Variants in TEP1 observed in about 807,000 individuals in gnomAD.
TEP1 encodes the protein telomerase associated protein 1, also known as telomerase protein component 1.
In TEP1, 241 loss-of-function variants were observed where a neutral mutation model predicts 306.3. That is an observed-to-expected ratio of 0.79 (90% CI 0.71 to 0.88). TEP1 has a LOEUF of 0.88. Ranked by LOEUF, TEP1 falls within the 40% of genes least tolerant of loss-of-function variation. The pLI, the probability that TEP1 is intolerant of heterozygous loss-of-function variation, is 0.00. For synonymous variants in TEP1, 1,289 were observed against 1,305.5 expected, an observed-to-expected ratio of 0.99 and a Z score of 0.27; for missense variants, 3,051 against 3,276.1, an observed-to-expected ratio of 0.93 and a Z score of 1.68.
Position 20,381,478 on chromosome 14 carries a change from G to C in TEP1, c.4558+75C>G. The stretch of plus-strand genomic sequence containing the variant: ...AGTAGGTGAGCTGGCCAGCAGATGG[G>C]AGCACAGTGGGTGGTCCTGGCCTCC... On this transcript the variant is annotated intron_variant, in intron 31 of 54. Coordinates refer to ENST00000262715, the MANE Select transcript of TEP1 (RefSeq NM_007110.5). This position sits in a 1 kb window ranked among gnomAD's most constrained non-coding sequence, Gnocchi z 4.0. 6.2e-7 allele frequency: 1 copy of C among 1,612,646 alleles called. No homozygotes were observed. The highest frequency in any genetic ancestry group is 8.5e-7 in the Non-Finnish European group (1 of 1,179,900).
intron 49 of TEP1, 34 bp from the exon 50 acceptor site, chr14:20,371,666 C>T: frequency 6.5e-7 from 1 of 1,532,574 alleles, no homozygotes; most frequent in Non-Finnish European, 8.7e-7. Flanking sequence ...AGAGAAAGAT[C>T]CTATTTTAGT....
At position 20,387,937 on chromosome 14, in the gene TEP1, A is replaced by G. The variant is rs1433115101; in HGVS notation, c.2652T>C (p.Thr884=). Residue 884 remains threonine (T), a synonymous_variant, in exon 18 of 55, where the codon ACT becomes ACC. Transcript: ENST00000262715. ...GGGAAACAGGAGCCAAGGGGCTTGGAGTGTCCTCTTCCAGTGGCCGGAGAG... is the reference window on the plus strand; with the variant it reads ...GGGAAACAGGAGCCAAGGGGCTTGGGGTGTCCTCTTCCAGTGGCCGGAGAG... ...VQSLRPLEED[T]PSPLAPVSQQ... The G allele has an allele frequency of 3.1e-6, 5 of 1,613,682 alleles. No homozygotes were observed. Among genetic ancestry groups the G allele is most frequent in the South Asian group, 1.1e-5 (1 of 90,942 alleles).
Position 20,368,203 on chromosome 14 carries a change from T to C in TEP1, c.*234A>G, listed in dbSNP as rs917307276. 1 of 366,736 alleles carries C rather than the reference T, an allele frequency of 2.7e-6. No homozygotes were observed. Among genetic ancestry groups the C allele is most frequent in the Non-Finnish European group, 4.8e-6 (1 of 206,192 alleles). The allele number at this position is 366,736 out of a possible 1,614,324, so 22.7% of individuals were successfully genotyped here. On this transcript the variant is annotated 3_prime_UTR_variant, in exon 55 of 55. Coordinates refer to ENST00000262715, the MANE Select transcript of TEP1 (RefSeq NM_007110.5). ...CACTTTCTTGTGGTTCTAGTAAGGA[T>C]TAATGTTGAATAAGAAGAGACACAC...
At chr14:20,368,663 A>C in intron 54 of TEP1, 104 bp from the exon 55 acceptor site, 1 of 1,548,938 alleles carries the variant, frequency 6.5e-7, no homozygotes, top group Non-Finnish European at 8.8e-7. Context: ...TTAGTCATAC[A>C]TTGCAAGTGA....
At chr14:20,397,224 T>G (rs1878279399) in intron 9 of TEP1, among the ~76,000 whole-genome samples, 1 of 152,174 alleles carries the variant, frequency 6.6e-6, no homozygotes, top group Admixed American at 6.5e-5. Context: ...AAAGAGAAAT[T>G]TCGTAGTGTA....
rs768014779 is a variant in TEP1 at position 20,381,413 on chromosome 14, G to A, written c.4559-12C>T. 12 of 1,614,044 alleles carry A rather than the reference G, an allele frequency of 7.4e-6. No homozygotes were observed. The South Asian group carries it at 1.1e-4, about 15-fold the overall frequency. On this transcript the variant is annotated splice_polypyrimidine_tract_variant and intron_variant, in intron 31 of 54. Transcript: ENST00000262715. This position sits in a 1 kb window ranked among gnomAD's most constrained non-coding sequence, Gnocchi z 4.0. ...CTTCCAGAGCTGAGCTGCATGAACA[G>A]ATATTGAGAAAGGCTCAGCCCTGCA... is the stretch of plus-strand genomic sequence containing the variant.
intron 7 of TEP1, among the ~76,000 whole-genome samples, chr14:20,402,983 C>G (rs1358209066): frequency 6.6e-6 from 1 of 151,760 alleles, no homozygotes; most frequent in African/African-American, 2.4e-5. Flanking sequence ...ATGGTGAAAC[C>G]CCATCTCTAC....
In TEP1 at chr14:20,390,985, C is replaced by T; in HGVS notation, c.2209G>A (p.Glu737Lys). ...DTLKTAVLKA[E>K]EGILKTAIKL... is the part of the protein sequence containing the mutation. The stretch of plus-strand genomic sequence containing the variant: ...ATGGCAGTCTTCAGGATGCCTTCTT[C>T]TGCCTTAAGCACTGCAGTCTTCAGA... The change falls in exon 14 of 55, where the codon GAA becomes AAA. Residue 737 changes from glutamate (E) to lysine (K), a missense_variant. Coordinates refer to ENST00000262715, the MANE Select transcript of TEP1 (RefSeq NM_007110.5). 2 of 1,614,186 alleles carry T rather than the reference C, an allele frequency of 1.2e-6. No individual in the cohort carries two copies. The highest frequency in any genetic ancestry group is 2.2e-5 in the South Asian group (2 of 91,084).
At chr14:20,396,192 G>A (rs1878192951) in intron 10 of TEP1, among the ~76,000 whole-genome samples, 1 of 152,212 alleles carries the variant, frequency 6.6e-6, no homozygotes, top group Admixed American at 6.5e-5. Context: ...CTCTGGGCAG[G>A]GTGTGGTAGC....
chr14:20,411,515 C>A (rs1879678322), intron 1 of TEP1, among the ~76,000 whole-genome samples: 1 of 152,186 alleles, frequency 6.6e-6, no homozygotes, highest in Non-Finnish European at 1.5e-5. Context: ...GTTTTCACAA[C>A]ACCCATATGT....
intron 48 of TEP1, 56 bp from the exon 49 acceptor site, chr14:20,372,913 T>C: frequency 1.2e-6 from 2 of 1,613,284 alleles, no homozygotes; most frequent in Non-Finnish European, 8.5e-7. Flanking sequence ...ATGCACCATC[T>C]TTTCCCTCCC....
Position 20,377,628 on chromosome 14 carries a change from A to G in TEP1, c.5847T>C (p.Asp1949=), listed in dbSNP as rs773020627. The change falls in exon 40 of 55, where the codon GAT becomes GAC. Residue 1949 remains aspartate, a synonymous_variant. Coordinates refer to ENST00000262715, the MANE Select transcript of TEP1 (RefSeq NM_007110.5). ...GDRVAVGYRA[D]GIRIYKISSG... ...AAGAGATTTTGTAGATCCTAATGCC[A>G]TCCGCTCGATATCCAACAGCCACCC... is the stretch of plus-strand genomic sequence containing the variant. The G allele has an allele frequency of 2.5e-6, 4 of 1,614,140 alleles. No homozygotes were observed. Among genetic ancestry groups the G allele is most frequent in the Non-Finnish European group, 3.4e-6 (4 of 1,180,026 alleles).
Position 20,383,787 on chromosome 14 carries a change from C to T in TEP1, c.3666G>A (p.Leu1222=). 1.9e-6 allele frequency: 3 copies of T among 1,611,012 alleles called. No homozygotes were observed. Among genetic ancestry groups the T allele is most frequent in the Middle Eastern group, 3.3e-4 (2 of 6,062 alleles). Reference sequence around the variant, plus strand: ...CACCTGGCTCTTTTAGTTGGCCACGCAGATAGGTACAGAGGCGTCTGAGCA... The same window carrying T: ...CACCTGGCTCTTTTAGTTGGCCACGTAGATAGGTACAGAGGCGTCTGAGCA... ...LTLLRRLCTY[L]RGQLKEPGAL... is the part of the protein sequence containing the mutation. The change falls in exon 25 of 55, where the codon CTG becomes CTA. Residue 1222 remains leucine, a synonymous_variant. Coordinates refer to ENST00000262715, the MANE Select transcript of TEP1 (RefSeq NM_007110.5).
At chr14:20,393,796 AAAG>A (rs1235149452) in intron 12 of TEP1, among the ~76,000 whole-genome samples, 1 of 151,574 alleles carries the variant, frequency 6.6e-6, no homozygotes, top group Admixed American at 6.6e-5. Context: ...AAAAAAAAAA[AAAG>A]AGCCAGGGTG....
chr14:20,408,443 T>C lies in TEP1; in HGVS notation c.-4A>G. Reference sequence around the variant, plus strand: ...CATGCCCATGGAGTTTTTCCATGGCTGAAACTCAGCTTGTATATGCCTAGA... The same window carrying C: ...CATGCCCATGGAGTTTTTCCATGGCCGAAACTCAGCTTGTATATGCCTAGA... On this transcript the variant is annotated 5_prime_UTR_variant, in exon 2 of 55. Transcript: ENST00000262715. 6.2e-7 allele frequency: 1 copy of C among 1,610,158 alleles called. No homozygotes were observed. The highest frequency in any genetic ancestry group is 2.2e-5 in the East Asian group (1 of 44,868).
chr14:20,383,158 C>G lies in TEP1; in HGVS notation c.4047+16G>C, dbSNP rs201216641. ...ATTCACCCCACACACCCACCGGCCC[C>G]GGCCTAGAACCCAACCTGGTTGTTA... On this transcript the variant is annotated intron_variant, in intron 27 of 54. Transcript: ENST00000262715. 6.4e-7 allele frequency: 1 copy of G among 1,568,696 alleles called. No individual in the cohort carries two copies. The highest frequency in any genetic ancestry group is 2.2e-5 in the East Asian group (1 of 44,514).
At chr14:20,404,005 G>A (rs1878969774) in intron 5 of TEP1, 121 bp from the exon 6 acceptor site, 3 of 1,324,670 alleles carry the variant, frequency 2.3e-6, no homozygotes, top group Non-Finnish European at 3.1e-6. Context: ...CCCAGCCCTA[G>A]CTCCAAAATC....
intron 9 of TEP1, 129 bp from the exon 10 acceptor site, chr14:20,396,859 G>C (rs999229600): frequency 1.8e-6 from 1 of 547,778 alleles, no homozygotes; most frequent in Admixed American, 3.1e-5. Context: ...CCAGGAATTA[G>C]AGTCCAGCCT....
chr14:20,395,834 G>C, intron 11 of TEP1, 25 bp downstream of exon 11: 1 of 1,604,304 alleles, frequency 6.2e-7, no homozygotes, highest in Non-Finnish European at 8.5e-7. Flanking sequence ...GAGGCAAAGA[G>C]GAGTTGGAAG....
Sources: allele counts gnomAD v4.1 joint callset (sites outside exome capture counted in the v4.1 genomes callset), GRCh38; gene constraint gnomAD v4.1.1; non-coding constraint Gnocchi (gnomAD v3.1); transcripts MANE v1.5; gene names NCBI Gene and HGNC (gene_info 2026-07-23, HGNC 2026-07-21).